EXOC6B: variants seen among roughly 807,000 people sequenced by gnomAD.
EXOC6B encodes SEC15 homolog B.
EXOC6B carries 54 observed loss-of-function variants against 113.5 expected under a neutral mutation model. The observed-to-expected ratio is 0.48, with a 90% CI of 0.38 to 0.60. EXOC6B has a LOEUF of 0.60. Among genes scored for constraint, EXOC6B ranks in the 20% least tolerant of loss-of-function variants. EXOC6B has a pLI of 0.00. For missense variants in EXOC6B, 797 were observed against 977.5 expected (o/e 0.82, Z 2.46); for synonymous variants, 357 against 339.0 (o/e 1.05, Z -0.58).
intron 6 of EXOC6B, among the ~76,000 whole-genome samples, chr2:72,620,492 T>A (rs1367325350): frequency 6.6e-6 from 1 of 151,246 alleles, no homozygotes; most frequent in Non-Finnish European, 1.5e-5. Context: ...AAAAGAAATT[T>A]AAATAATTTT....
At chr2:72,598,448 T>C (rs1421953059) in intron 6 of EXOC6B, among the ~76,000 whole-genome samples, 5 of 151,910 alleles carry the variant, frequency 3.3e-5, no homozygotes, top group Admixed American at 3.3e-4. Flanking sequence ...ATTGAATGCA[T>C]AAACCAGTAA....
At chr2:72,255,367 T>G (rs919302610) in intron 20 of EXOC6B, among the ~76,000 whole-genome samples, 1 of 152,214 alleles carries the variant, frequency 6.6e-6, no homozygotes, top group Non-Finnish European at 1.5e-5. Flanking sequence ...GCTACTTAGC[T>G]GCAAATATAT....
intron 1 of EXOC6B, among the ~76,000 whole-genome samples, chr2:72,821,206 T>A (rs551362048): frequency 1.3e-5 from 2 of 151,916 alleles, no homozygotes; most frequent in Admixed American, 1.3e-4. Flanking sequence ...CCAAAAGGGA[T>A]AAACAATGAC....
intron 1 of EXOC6B, among the ~76,000 whole-genome samples, chr2:72,798,548 G>C (rs1685103852): frequency 6.6e-6 from 1 of 152,136 alleles, no homozygotes. Context: ...AAGATTCCAA[G>C]AGAAAAGAAG....
intron 18 of EXOC6B, chr2:72,462,258 T>G (rs1697733397): frequency 6.6e-6 from 1 of 152,154 alleles, no homozygotes; most frequent in African/African-American, 2.4e-5. Context: ...ATATTTTCTA[T>G]GTGGGCATTG....
intron 6 of EXOC6B, among the ~76,000 whole-genome samples, chr2:72,630,503 T>C (rs1672318731): frequency 6.6e-6 from 1 of 152,102 alleles, no homozygotes; most frequent in South Asian, 2.1e-4. Flanking sequence ...ATTCCCGGAG[T>C]TAACTGAATA....
chr2:72,584,976 A>G (rs1250120321), intron 6 of EXOC6B, among the ~76,000 whole-genome samples: 3 of 152,204 alleles, frequency 2.0e-5, no homozygotes, highest in Non-Finnish European at 2.9e-5. Flanking sequence ...ACAGAGACAC[A>G]ACATACCAAG....
intron 18 of EXOC6B, among the ~76,000 whole-genome samples, chr2:72,385,590 G>A (rs537783842): frequency 2.0e-5 from 3 of 151,608 alleles, no homozygotes; most frequent in Non-Finnish European, 4.4e-5. Context: ...ACAGAATGGG[G>A]GAATATACTT....
intron 6 of EXOC6B, among the ~76,000 whole-genome samples, chr2:72,613,375 T>C (rs930522209): frequency 3.3e-5 from 5 of 151,946 alleles, no homozygotes; most frequent in African/African-American, 1.2e-4. Context: ...GGGGGAAAAC[T>C]CCAATGCCCA....
chr2:72,460,770 C>G (rs1473884349), intron 18 of EXOC6B, among the ~76,000 whole-genome samples: 11 of 152,162 alleles, frequency 7.2e-5, no homozygotes, highest in Non-Finnish European at 1.3e-4. Flanking sequence ...GGACTGTAAA[C>G]TAGTTCAACC....
chr2:72,319,987 C>A (rs1687757573), intron 20 of EXOC6B, among the ~76,000 whole-genome samples: 1 of 152,048 alleles, frequency 6.6e-6, no homozygotes, highest in Non-Finnish European at 1.5e-5. Context: ...CAGGCACATG[C>A]CACCACAACC....
At chr2:72,656,949 T>C (rs1674623785) in intron 6 of EXOC6B, among the ~76,000 whole-genome samples, 1 of 152,142 alleles carries the variant, frequency 6.6e-6, no homozygotes, top group Admixed American at 6.6e-5. Context: ...CCCCCTAGGT[T>C]CAAGTGATTC....
At chr2:72,211,518 A>G (rs1364492742) in intron 20 of EXOC6B, among the ~76,000 whole-genome samples, 1 of 152,180 alleles carries the variant, frequency 6.6e-6, no homozygotes, top group Non-Finnish European at 1.5e-5. Context: ...TACCCAAGAC[A>G]ACGTGAAGCC....
chr2:72,229,530 A>G (rs1681473524), intron 20 of EXOC6B, among the ~76,000 whole-genome samples: 1 of 152,208 alleles, frequency 6.6e-6, no homozygotes, highest in Non-Finnish European at 1.5e-5. Flanking sequence ...GAAGCCAGGT[A>G]TTATCAGAGG....
At chr2:72,341,086 C>T (rs2104905791) in intron 19 of EXOC6B, among the ~76,000 whole-genome samples, 1 of 152,190 alleles carries the variant, frequency 6.6e-6, no homozygotes, top group African/African-American at 2.4e-5. Context: ...CTTGTATGGA[C>T]ATGTAATCAT....
chr2:72,729,041 C>A (rs539067531), intron 5 of EXOC6B, among the ~76,000 whole-genome samples: 2 of 152,062 alleles, frequency 1.3e-5, no homozygotes, highest in Non-Finnish European at 2.9e-5. Flanking sequence ...TAATGCCTAG[C>A]GCATAGTAGG....
At chr2:72,617,525 T>C (rs1671467992) in intron 6 of EXOC6B, among the ~76,000 whole-genome samples, 1 of 138,246 alleles carries the variant, frequency 7.2e-6, no homozygotes, top group Non-Finnish European at 1.6e-5. Context: ...TTCTTTTTTT[T>C]TTTTTTTTTT....
intron 1 of EXOC6B, among the ~76,000 whole-genome samples, chr2:72,743,145 A>G (rs772010463): frequency 6.6e-6 from 1 of 152,058 alleles, no homozygotes; most frequent in Non-Finnish European, 1.5e-5. Flanking sequence ...CCTCCGAAAC[A>G]TGTCTTAACA....
chr2:72,212,313 C>G (rs1330010995), intron 20 of EXOC6B, among the ~76,000 whole-genome samples: 1 of 152,160 alleles, frequency 6.6e-6, no homozygotes, highest in Non-Finnish European at 1.5e-5. Context: ...TGGGGCAGGG[C>G]AGGCTGTTTT....
Sources: gnomAD v4.1 joint callset for allele counts (sites outside exome capture counted in the v4.1 genomes callset) on GRCh38, gnomAD v4.1.1 for gene constraint, MANE v1.5 for transcripts, NCBI Gene and HGNC (gene_info 2026-07-23, HGNC 2026-07-21) for gene names.